EIF3M: variants seen among roughly 807,000 people sequenced by gnomAD.
EIF3M encodes B5 receptor.
In EIF3M, 25 loss-of-function variants were observed where a neutral mutation model predicts 49.7. The observed-to-expected ratio is 0.50, with a 90% CI of 0.37 to 0.70. EIF3M has a LOEUF of 0.70. Ranked by LOEUF, EIF3M falls within the 30% of genes least tolerant of loss-of-function variation. The pLI is 0.00. For missense variants in EIF3M, 350 were observed against 440.0 expected (o/e 0.80, Z 1.83); for synonymous variants, 156 against 149.8 (o/e 1.04, Z -0.30).
At chr11:32,595,689 T>C (rs1855168363) in intron 7 of EIF3M, among the ~76,000 whole-genome samples, 1 of 152,254 alleles carries the variant, frequency 6.6e-6, no homozygotes, top group African/African-American at 2.4e-5. Context: ...CAAGTATAAA[T>C]ATATTTTGGA....
intron 1 of EIF3M, 60 bp downstream of exon 1, chr11:32,583,989 G>T (rs1047976811): frequency 1.1e-5 from 17 of 1,604,418 alleles, no homozygotes; most frequent in Non-Finnish European, 1.4e-5. Context: ...GTAGCGCAAG[G>T]GACCGCTGCC....
chr11:32,592,251 C>G (rs2133197860), intron 5 of EIF3M: 4 of 425,616 alleles, frequency 9.4e-6, no homozygotes, highest in South Asian at 5.8e-5. Flanking sequence ...AAAAAGGGCC[C>G]TTTTCACTTC....
chr11:32,586,897 T>C (rs1161209762), intron 1 of EIF3M, 115 bp from the exon 2 acceptor site: 8 of 1,353,868 alleles, frequency 5.9e-6, no homozygotes, highest in African/African-American at 1.5e-5. Context: ...TTCAACATTA[T>C]TTGAAATAGT....
At position 32,588,002 on chromosome 11, in the gene EIF3M, A is replaced by G. The variant is rs114672152; in HGVS notation, c.176-592A>G. On this transcript the variant is annotated intron_variant, in intron 2 of 10. Coordinates refer to ENST00000531120, the MANE Select transcript of EIF3M (RefSeq NM_006360.6). Reference sequence around the variant, plus strand: ...TTAATTAAGAAAGTATCCTAGTCCTAAATCATACCAGTAACTTCCAAATGA... The same window carrying G: ...TTAATTAAGAAAGTATCCTAGTCCTGAATCATACCAGTAACTTCCAAATGA... 5.8e-3 allele frequency among the ~76,000 whole-genome samples: 890 copies of G among 152,352 alleles called. 7 individuals carry two copies. The highest frequency in any genetic ancestry group is 0.02 in the African/African-American group (847 of 41,578).
At chr11:32,592,410 C>T in intron 5 of EIF3M, 4 of 546,388 alleles carry the variant, frequency 7.3e-6, no homozygotes, top group South Asian at 5.8e-5. Context: ...TCAAAGTAGT[C>T]TCTCAAATTA....
At chr11:32,602,036 C>T in intron 10 of EIF3M, 1 of 835,664 alleles carries the variant, frequency 1.2e-6, no homozygotes, top group Non-Finnish European at 1.9e-6. Context: ...AATGGCTGAG[C>T]ATTGGCTAGA....
intron 9 of EIF3M, 87 bp downstream of exon 9, chr11:32,600,919 C>G: frequency 6.8e-7 from 1 of 1,465,174 alleles, no homozygotes; most frequent in Non-Finnish European, 9.1e-7. Flanking sequence ...GGAAACTGAG[C>G]CTTACACAAC....
intron 6 of EIF3M, 152 bp downstream of exon 6, chr11:32,594,101 A>T (rs917742007): frequency 2.2e-6 from 1 of 445,318 alleles, no homozygotes; most frequent in Middle Eastern, 3.4e-4. Context: ...TGTAGATACT[A>T]AAATTCAAGG....
rs186329131 is a variant in EIF3M, at chr11:32,602,839, G to C, written c.*440G>C. ...TTTTAATCTGTTGTTTTTTTCCAAC[G>C]TCTCTTCTGCTTTTCTTTTCTTTGG... On this transcript the variant is annotated 3_prime_UTR_variant, in exon 11 of 11. Coordinates refer to ENST00000531120, the MANE Select transcript of EIF3M (RefSeq NM_006360.6). 4 of 1,601,614 alleles carry C rather than the reference G, an allele frequency of 2.5e-6. No individual in the cohort carries two copies. Among genetic ancestry groups the C allele is most frequent in the East Asian group, 2.2e-5 (1 of 44,742 alleles).
In EIF3M at chr11:32,603,065, AG is replaced by A; in HGVS notation, c.*667del. ...TTTACCTTCGAAATTATTATACAAA[AG>A]ATTTTAAAGAGTCTGTAAAGCCTCT... On this transcript the variant is annotated 3_prime_UTR_variant, in exon 11 of 11. Transcript: ENST00000531120. The A allele has an allele frequency of 6.8e-7, 1 of 1,466,826 alleles. No homozygotes were observed. Among genetic ancestry groups the A allele is most frequent in the South Asian group, 1.3e-5 (1 of 79,956 alleles). 90.9% of individuals were successfully genotyped at this position (1,466,826 alleles called of 1,614,324 possible).
rs771497467 is a variant in EIF3M, at chr11:32,601,807, G to T, written c.989G>T (p.Arg330Ile). The change falls in exon 10 of 11, where the codon AGA becomes ATA. Residue 330 changes from arginine to isoleucine, a missense_variant. Physicochemically the swap from Arg to Ile is moderately conservative, Grantham distance 97. Transcript: ENST00000531120. ...MVYCKIDQTQ[R>I]KVVVSHSTHR... ...TACTGCAAAATTGATCAGACCCAGA[G>T]AAAAGTAGTTGTCAGGTAAGATATT... 25 of 1,612,670 alleles carry T rather than the reference G, an allele frequency of 1.6e-5. No individual in the cohort carries two copies. The South Asian group carries it at 2.6e-4, about 17-fold the overall frequency.
intron 2 of EIF3M, among the ~76,000 whole-genome samples, chr11:32,587,363 A>G (rs2133193239): frequency 6.6e-6 from 1 of 152,334 alleles, no homozygotes; most frequent in East Asian, 1.9e-4. Flanking sequence ...ATATTTTGAT[A>G]CATGTATGCA....
intron 1 of EIF3M, 49 bp downstream of exon 1, chr11:32,583,978 A>G (rs1281944832): frequency 1.9e-6 from 3 of 1,609,434 alleles, no homozygotes; most frequent in Middle Eastern, 1.7e-4. Flanking sequence ...GGGATGTCCT[A>G]GTAGCGCAAG....
In EIF3M at chr11:32,602,403, T is replaced by G. The variant is rs1855284862; in HGVS notation, c.*4T>G. 6.2e-7 allele frequency: 1 copy of G among 1,606,538 alleles called. No individual in the cohort carries two copies. Among genetic ancestry groups the G allele is most frequent in the African/African-American group, 1.3e-5 (1 of 74,566 alleles). ...TTTGAGTCTTTCTGATACCTGAGTT[T>G]TTATGCTTATAATTTTTGTTCTTTG... On this transcript the variant is annotated 3_prime_UTR_variant, in exon 11 of 11. Coordinates refer to ENST00000531120, the MANE Select transcript of EIF3M (RefSeq NM_006360.6).
At chr11:32,586,859 C>T in intron 1 of EIF3M, 153 bp from the exon 2 acceptor site, 1 of 1,034,402 alleles carries the variant, frequency 9.7e-7, no homozygotes, top group Non-Finnish European at 1.3e-6. Flanking sequence ...TGTGGGATTG[C>T]CAAGATGGAT....
At chr11:32,599,475 C>T (rs770697082) in intron 8 of EIF3M, among the ~76,000 whole-genome samples, 3 of 151,932 alleles carry the variant, frequency 2.0e-5, no homozygotes, top group Non-Finnish European at 2.9e-5. Flanking sequence ...CTTCCCTAAT[C>T]TTCCACTAAT....
In EIF3M at chr11:32,604,795, T is replaced by TAA. The variant is rs1455604029; in HGVS notation, c.*2399_*2400dup. 6.6e-6 allele frequency: 1 copy of TAA among 152,244 alleles called. No homozygotes were observed. Among genetic ancestry groups the TAA allele is most frequent in the Admixed American group, 6.5e-5 (1 of 15,276 alleles). The allele number at this position is 152,244 out of a possible 1,614,324, so 9.4% of individuals were successfully genotyped here. The stretch of plus-strand genomic sequence containing the variant: ...TTAAAATCTTTTTCAATTTGACCAG[T>TAA]AAAAGTGGCATGTTAGTAACATTGT... On this transcript the variant is annotated 3_prime_UTR_variant, in exon 11 of 11. Coordinates refer to ENST00000531120, the MANE Select transcript of EIF3M (RefSeq NM_006360.6).
At chr11:32,588,861 G>T (rs891212644) in intron 3 of EIF3M, 129 bp downstream of exon 3, 1 of 1,542,466 alleles carries the variant, frequency 6.5e-7, no homozygotes, top group Non-Finnish European at 8.8e-7. Context: ...GTGACCTTGG[G>T]CAAGTGGCTT....
At position 32,602,794 on chromosome 11, in the gene EIF3M, G is replaced by A. The variant is rs1855290609; in HGVS notation, c.*395G>A. 2 of 1,498,528 alleles carry A rather than the reference G, an allele frequency of 1.3e-6. No homozygotes were observed. Among genetic ancestry groups the A allele is most frequent in the Non-Finnish European group, 1.8e-6 (2 of 1,105,478 alleles). 92.8% of individuals were successfully genotyped at this position (1,498,528 alleles called of 1,614,324 possible). A position where few individuals can be genotyped will look rare whatever the true frequency, so the allele number is the denominator to read the frequency against. On this transcript the variant is annotated 3_prime_UTR_variant, in exon 11 of 11. Transcript: ENST00000531120. ...ATTTCAGTTACATAATTTCACTACT[G>A]AAAGCACTTATCTACATTATTTTAA...
Sources: gnomAD v4.1 joint callset for allele counts (sites outside exome capture counted in the v4.1 genomes callset) on GRCh38, gnomAD v4.1.1 for gene constraint, MANE v1.5 for transcripts, NCBI Gene and HGNC (gene_info 2026-07-23, HGNC 2026-07-21) for gene names.